The following RIN3 variants were observed in gnomAD, a reference collection of about 807,000 sequenced individuals.
RIN3 encodes the protein RAB5 interacting protein 3.
RIN3 carries 54 observed loss-of-function variants against 76.3 expected under a neutral mutation model. That is an observed-to-expected ratio of 0.71 (90% confidence interval 0.57 to 0.89). The LOEUF is 0.89. Ranked by LOEUF, RIN3 falls within the 40% of genes least tolerant of loss-of-function variation. RIN3 has a pLI of 0.00. For missense variants in RIN3, 1,256 were observed against 1,322.1 expected (o/e 0.95, Z 0.78); for synonymous variants, 576 against 564.0 (o/e 1.02, Z -0.30).
chr14:92,648,997 G>A lies in RIN3; in HGVS notation c.533-2585G>A, dbSNP rs1887304903. ...CACGTGGAGGAAGGAGTGAACGGCA[G>A]ATAGAGTGGAGTGAAGACTCGGTAG... On this transcript the variant is annotated intron_variant, in intron 5 of 9. Transcript: ENST00000216487. This position sits in a 1 kb window ranked among gnomAD's most constrained non-coding sequence, Gnocchi z 4.1. Among the ~76,000 whole-genome samples the A allele has an allele frequency of 6.6e-6, 1 of 152,206 alleles. No individual in the cohort carries two copies. Among genetic ancestry groups the A allele is most frequent in the South Asian group, 2.1e-4 (1 of 4,832 alleles).
chr14:92,516,996 C>T (rs189439562), intron 1 of RIN3, among the ~76,000 whole-genome samples: 230 of 152,326 alleles, frequency 1.5e-3, no homozygotes, highest in Non-Finnish European at 2.8e-3. Context: ...ATTTTGGAGA[C>T]AGGAGTCTGA....
chr14:92,573,919 A>G (rs1475856850), intron 2 of RIN3, among the ~76,000 whole-genome samples: 1 of 152,172 alleles, frequency 6.6e-6, no homozygotes, highest in Non-Finnish European at 1.5e-5. Flanking sequence ...GTAGGGTGAC[A>G]ATTTGGCAGG....
chr14:92,598,020 A>G (rs1399464602), intron 3 of RIN3, among the ~76,000 whole-genome samples: 2 of 152,168 alleles, frequency 1.3e-5, no homozygotes, highest in East Asian at 1.9e-4. Flanking sequence ...TCAAGATTCT[A>G]TTGCCTCTCT....
chr14:92,552,776 A>T (rs1897466405), intron 1 of RIN3, among the ~76,000 whole-genome samples: 1 of 152,052 alleles, frequency 6.6e-6, no homozygotes, highest in African/African-American at 2.4e-5. Context: ...CCTCTTTGGC[A>T]GTATTACCAT....
At position 92,685,152 on chromosome 14, in the gene RIN3, T is replaced by A. The variant is rs1442362914; in HGVS notation, c.2631+2T>A. ...CGGGCCTCCCGCTCCTCCGTACAGG[T>A]GAGGCCTGAGAGCGGGAGGGGCCCG... is the stretch of plus-strand genomic sequence containing the variant. On this transcript the variant is annotated splice_donor_variant, in intron 9 of 9. Transcript: ENST00000216487. LOFTEE classifies it high-confidence loss of function. This position sits in a 1 kb window ranked among gnomAD's most constrained non-coding sequence, Gnocchi z 4.7. 6.2e-7 allele frequency: 1 copy of A among 1,602,672 alleles called. No homozygotes were observed. The highest frequency in any genetic ancestry group is 2.3e-5 in the East Asian group (1 of 44,436).
rs142601939 is a variant in RIN3, at chr14:92,570,157, G to C, written c.250-7203G>C. Among the ~76,000 whole-genome samples, 18 of 152,330 alleles carry C rather than the reference G, an allele frequency of 1.2e-4. No homozygotes were observed. In the East Asian group the frequency reaches 3.3e-3, roughly 28 times the overall value. The stretch of plus-strand genomic sequence containing the variant: ...CAGTGTGGACAGAAATCTGCAGTTT[G>C]GTTGCAATTTAGGAGGGCTCCAGCC... On this transcript the variant is annotated intron_variant, in intron 2 of 9. Coordinates refer to ENST00000216487, the MANE Select transcript of RIN3 (RefSeq NM_024832.5).
intron 3 of RIN3, among the ~76,000 whole-genome samples, chr14:92,609,642 T>A (rs1373673401): frequency 1.3e-5 from 2 of 152,120 alleles, no homozygotes; most frequent in African/African-American, 4.8e-5. Context: ...GGTGATGTGG[T>A]CTCCTGGGCA....
At chr14:92,615,359 C>G (rs763181859) in intron 3 of RIN3, 48 bp from the exon 4 acceptor site, 1 of 1,541,482 alleles carries the variant, frequency 6.5e-7, no homozygotes, top group Non-Finnish European at 9.0e-7. Flanking sequence ...CCCCATTTTC[C>G]TTGGCAGGAT....
chr14:92,607,635 G>T (rs149117139), intron 3 of RIN3, among the ~76,000 whole-genome samples: 90 of 152,246 alleles, frequency 5.9e-4, no homozygotes, highest in African/African-American at 2.0e-3. Flanking sequence ...ACTACAGATG[G>T]CCTTACCACA....
chr14:92,652,438 A>G lies in RIN3; in HGVS notation c.1389A>G (p.Lys463=). 1.2e-6 allele frequency: 2 copies of G among 1,613,944 alleles called. No homozygotes were observed. The highest frequency in any genetic ancestry group is 1.7e-6 in the Non-Finnish European group (2 of 1,179,960). Residue 463 remains lysine (K), a synonymous_variant, in exon 6 of 10, where the codon AAA becomes AAG. Transcript: ENST00000216487. The surrounding 1 kb of genome is among the most constrained non-coding windows in gnomAD (Gnocchi z 6.4). The part of the protein sequence containing the change: ...AKQPPVPPPR[K]KRISRQLAST... ...AACCCCCAGTCCCGCCCCCCAGGAAAAAACGGATCTCTCGACAACTGGCCT... is the reference window on the plus strand; with the variant it reads ...AACCCCCAGTCCCGCCCCCCAGGAAGAAACGGATCTCTCGACAACTGGCCT...
chr14:92,679,372 GC>G (rs987070019), intron 8 of RIN3, among the ~76,000 whole-genome samples: 1 of 152,234 alleles, frequency 6.6e-6, no homozygotes, highest in Admixed American at 6.5e-5. Context: ...GTGCACACCA[GC>G]AAGGGGGGTG....
At chr14:92,549,675 C>A (rs761868026) in intron 1 of RIN3, among the ~76,000 whole-genome samples, 1 of 152,212 alleles carries the variant, frequency 6.6e-6, no homozygotes, top group Non-Finnish European at 1.5e-5. Flanking sequence ...CCCATAGAAG[C>A]TGAGAGGTTG....
chr14:92,638,842 G>A (rs2140128198), intron 4 of RIN3, among the ~76,000 whole-genome samples: 1 of 152,252 alleles, frequency 6.6e-6, no homozygotes, highest in Non-Finnish European at 1.5e-5. Flanking sequence ...GAAGCCCAAG[G>A]CCACTCCCGA....
chr14:92,550,132 C>T (rs1897385052), intron 1 of RIN3, among the ~76,000 whole-genome samples: 1 of 152,168 alleles, frequency 6.6e-6, no homozygotes, highest in Admixed American at 6.5e-5. Flanking sequence ...TGCGTGTCAC[C>T]CACTCTGGGC....
chr14:92,641,150 G>A, intron 4 of RIN3, 88 bp from the exon 5 acceptor site: 2 of 1,014,106 alleles, frequency 2.0e-6, no homozygotes, highest in East Asian at 2.4e-5. Flanking sequence ...CTGGCAGCCA[G>A]CAGAGATTGC....
At chr14:92,638,792 CA>C (rs1157689233) in intron 4 of RIN3, among the ~76,000 whole-genome samples, 1 of 152,156 alleles carries the variant, frequency 6.6e-6, no homozygotes, top group Non-Finnish European at 1.5e-5. Context: ...CAGAAGATGC[CA>C]ACGTCAGCTG....
At position 92,659,208 on chromosome 14, in the gene RIN3, A is replaced by C; in HGVS notation, c.2074A>C (p.Lys692Gln). ...GTACAAATGTGTCCTGAAGCCCCTG[A>C]AGGAAGCCATCAACTCATGCCTGCA... ...ALYKCVLKPL[K>Q]EAINSCLHQI... Residue 692 changes from lysine to glutamine, a missense_variant, in exon 7 of 10, where the codon AAG becomes CAG. Coordinates refer to ENST00000216487, the MANE Select transcript of RIN3 (RefSeq NM_024832.5). 1 of 1,614,212 alleles carries C rather than the reference A, an allele frequency of 6.2e-7. No individual in the cohort carries two copies. Among genetic ancestry groups the C allele is most frequent in the Non-Finnish European group, 8.5e-7 (1 of 1,180,030 alleles).
In RIN3 at chr14:92,564,542, C is replaced by G. The variant is rs572888816; in HGVS notation, c.249+8587C>G. On this transcript the variant is annotated intron_variant, in intron 2 of 9. Coordinates refer to ENST00000216487, the MANE Select transcript of RIN3 (RefSeq NM_024832.5). ...CTTGCTATAGACTGGAAAAAGCCAG[C>G]TCAGAAAGGGGAAGTGACTTGCTTA... 5.3e-5 allele frequency among the ~76,000 whole-genome samples: 8 copies of G among 152,268 alleles called. No individual in the cohort carries two copies. In the South Asian group the frequency reaches 1.7e-3, roughly 32 times the overall value.
In RIN3 at chr14:92,643,034, G is replaced by A. The variant is rs1006380908; in HGVS notation, c.532+1705G>A. On this transcript the variant is annotated intron_variant, in intron 5 of 9. Transcript: ENST00000216487. This position sits in a 1 kb window ranked among gnomAD's most constrained non-coding sequence, Gnocchi z 4.8. ...CCCAGGCCGTTTAGCTCCCACACCT[G>A]CCATCGTCTCATGGTGCCTCTTAAC... Among the ~76,000 whole-genome samples the A allele has an allele frequency of 6.6e-6, 1 of 152,062 alleles. No homozygotes were observed. The highest frequency in any genetic ancestry group is 1.5e-5 in the Non-Finnish European group (1 of 68,004).
Sources: gnomAD v4.1 joint callset for allele counts (sites outside exome capture counted in the v4.1 genomes callset) on GRCh38, gnomAD v4.1.1 for gene constraint, Gnocchi (gnomAD v3.1) non-coding constraint, MANE v1.5 for transcripts, NCBI Gene and HGNC (gene_info 2026-07-23, HGNC 2026-07-21) for gene names.